PLCB4: variants seen among roughly 807,000 people sequenced by gnomAD.
PLCB4 encodes the protein phospholipase C beta 4, also known as 1-phosphatidylinositol 4,5-bisphosphate phosphodiesterase beta-4.
In PLCB4, 77 loss-of-function variants were observed where a neutral mutation model predicts 178.8. That is an observed-to-expected ratio of 0.43 (90% CI 0.36 to 0.52). PLCB4 has a LOEUF of 0.52. Ranked by LOEUF, PLCB4 falls within the 20% of genes least tolerant of loss-of-function variation. The probability of loss-of-function intolerance (pLI) is 0.00; values close to 1 mark genes in which losing one functional copy is unlikely to be tolerated. For synonymous variants in PLCB4, 496 were observed against 490.8 expected, an observed-to-expected ratio of 1.01 and a Z score of -0.14; for missense variants, 1,024 against 1,453.4, an observed-to-expected ratio of 0.70 and a Z score of 4.80.
intron 19 of PLCB4, among the ~76,000 whole-genome samples, chr20:9,399,737 T>G (rs1278104507): frequency 6.6e-6 from 1 of 152,250 alleles, no homozygotes; most frequent in African/African-American, 2.4e-5. Context: ...ACCACTTGTT[T>G]GGGGTATGCC....
intron 14 of PLCB4, among the ~76,000 whole-genome samples, chr20:9,386,792 A>C (rs2037700161): frequency 7.0e-6 from 1 of 142,664 alleles, no homozygotes; most frequent in Non-Finnish European, 1.5e-5. Flanking sequence ...TATATCTCCT[A>C]ATGCTATCCC....
At chr20:9,136,969 G>A (rs1401577359) in intron 2 of PLCB4, among the ~76,000 whole-genome samples, 1 of 152,054 alleles carries the variant, frequency 6.6e-6, no homozygotes, top group African/African-American at 2.4e-5. Flanking sequence ...GGAGACTGGA[G>A]GGAGGAGAAC....
Position 9,217,157 on chromosome 20 carries a change from C to T in PLCB4, c.-78-233C>T, listed in dbSNP as rs2093742760. On this transcript the variant is annotated intron_variant, in intron 2 of 39. Coordinates refer to ENST00000378473, the MANE Select transcript of PLCB4 (RefSeq NM_001377142.1). Reference sequence around the variant, plus strand: ...AAGAGGGTGAGTAGGATATTAGCAGCATTGTAGAGAGAGTGTATAAACTCT... The same window carrying T: ...AAGAGGGTGAGTAGGATATTAGCAGTATTGTAGAGAGAGTGTATAAACTCT... 2.6e-5 allele frequency among the ~76,000 whole-genome samples: 4 copies of T among 152,124 alleles called. No individual in the cohort carries two copies. In the South Asian group the frequency reaches 8.3e-4, roughly 32 times the overall value.
chr20:9,315,595 C>A (rs1466441028), intron 4 of PLCB4, among the ~76,000 whole-genome samples: 1 of 151,852 alleles, frequency 6.6e-6, no homozygotes, highest in African/African-American at 2.4e-5. Context: ...CAGGGCAGGC[C>A]CTATTCAGGA....
chr20:9,303,284 T>G (rs916734723), intron 3 of PLCB4, among the ~76,000 whole-genome samples: 2 of 152,154 alleles, frequency 1.3e-5, no homozygotes, highest in African/African-American at 4.8e-5. Context: ...AAGTCAAACT[T>G]ATTTCTTCTG....
At chr20:9,413,627 C>T (rs888569222) in intron 25 of PLCB4, among the ~76,000 whole-genome samples, 3 of 149,576 alleles carry the variant, frequency 2.0e-5, no homozygotes, top group Non-Finnish European at 3.0e-5. Flanking sequence ...CCACTGCACT[C>T]CAGCCTGGGT....
intron 2 of PLCB4, among the ~76,000 whole-genome samples, chr20:9,128,022 C>T (rs906930966): frequency 3.3e-5 from 5 of 152,034 alleles, no homozygotes; most frequent in Admixed American, 1.3e-4. Context: ...GATGTTTGTC[C>T]CCTCCAAATC....
At chr20:9,423,727 A>G (rs776294145) in intron 27 of PLCB4, 21 bp from the exon 28 acceptor site, 1 of 1,602,712 alleles carries the variant, frequency 6.2e-7, no homozygotes, top group Non-Finnish European at 8.5e-7. Context: ...AAAATCAGTG[A>G]AAGTCCTGTT....
intron 2 of PLCB4, among the ~76,000 whole-genome samples, chr20:9,133,558 C>T (rs2092320901): frequency 1.3e-5 from 2 of 152,152 alleles, no homozygotes; most frequent in Non-Finnish European, 2.9e-5. Flanking sequence ...TGAGCCACCA[C>T]ACCCAGTCTG....
rs948333501 is a variant in PLCB4 at position 9,169,418 on chromosome 20, T to C, written c.-78-47972T>C. 7.6e-4 allele frequency among the ~76,000 whole-genome samples: 104 copies of C among 136,220 alleles called. 2 individuals are homozygous for C. Among genetic ancestry groups the C allele is most frequent in the African/African-American group, 2.8e-3 (100 of 35,698 alleles). The allele number at this position is 136,220 out of a possible 152,430, so 89.4% of individuals were successfully genotyped here. A position where few individuals can be genotyped will look rare whatever the true frequency, so the allele number is the denominator to read the frequency against. On this transcript the variant is annotated intron_variant, in intron 2 of 39. Coordinates refer to ENST00000378473, the MANE Select transcript of PLCB4 (RefSeq NM_001377142.1). Reference sequence around the variant, plus strand: ...GCCAGGCCAACATGGTGAAACCCCATCTCTTAAAAAAAAAAAAAAAAATTA... The same window carrying C: ...GCCAGGCCAACATGGTGAAACCCCACCTCTTAAAAAAAAAAAAAAAAATTA...
chr20:9,318,165 T>A (rs1468712956), intron 4 of PLCB4, among the ~76,000 whole-genome samples: 6 of 151,592 alleles, frequency 4.0e-5, no homozygotes, highest in Admixed American at 2.6e-4. Context: ...AAAAAAAAAA[T>A]AAATAAAAAT....
At chr20:9,206,914 C>T (rs904643070) in intron 2 of PLCB4, among the ~76,000 whole-genome samples, 5 of 152,086 alleles carry the variant, frequency 3.3e-5, no homozygotes, top group South Asian at 2.1e-4. Context: ...GTCAGGAGTT[C>T]GAGACCAGCT....
At chr20:9,338,240 A>ATGGT (rs2032734784) in intron 6 of PLCB4, among the ~76,000 whole-genome samples, 173 bp downstream of exon 6, 1 of 152,200 alleles carries the variant, frequency 6.6e-6, no homozygotes, top group African/African-American at 2.4e-5. Context: ...ATTTATTCAC[A>ATGGT]TGAAACCTCT....
intron 3 of PLCB4, among the ~76,000 whole-genome samples, chr20:9,275,403 G>T (rs1473302450): frequency 6.6e-6 from 1 of 152,022 alleles, no homozygotes; most frequent in Non-Finnish European, 1.5e-5. Context: ...TTGAGATTTG[G>T]GTGGGGACAC....
chr20:9,158,053 A>G (rs1457669379), intron 2 of PLCB4, among the ~76,000 whole-genome samples: 2 of 152,124 alleles, frequency 1.3e-5, no homozygotes, highest in Non-Finnish European at 2.9e-5. Flanking sequence ...CCTTGTCTCC[A>G]TTTTACAGAT....
At chr20:9,179,655 C>T (rs1263289523) in intron 2 of PLCB4, among the ~76,000 whole-genome samples, 1 of 152,168 alleles carries the variant, frequency 6.6e-6, no homozygotes, top group Non-Finnish European at 1.5e-5. Flanking sequence ...TCATTTGATA[C>T]TGAGTTAAGT....
intron 6 of PLCB4, among the ~76,000 whole-genome samples, chr20:9,338,671 C>T (rs1431767977): frequency 6.6e-6 from 1 of 152,164 alleles, no homozygotes; most frequent in Non-Finnish European, 1.5e-5. Context: ...AGCAGAGACT[C>T]TGTACCTCCC....
At chr20:9,100,959 AT>A (rs1279954733) in intron 2 of PLCB4, among the ~76,000 whole-genome samples, 1 of 152,070 alleles carries the variant, frequency 6.6e-6, no homozygotes, top group African/African-American at 2.4e-5. Context: ...CATCCCAAGC[AT>A]GATTTTTATG....
Position 9,151,639 on chromosome 20 carries a change from C to A in PLCB4, c.-79+55297C>A, listed in dbSNP as rs185773474. Among the ~76,000 whole-genome samples, 5 of 152,230 alleles carry A rather than the reference C, an allele frequency of 3.3e-5. No individual in the cohort carries two copies. The East Asian group carries it at 9.7e-4, about 29-fold the overall frequency. Reference sequence around the variant, plus strand: ...CCCCAGCCATGTGGAACTGTAAGTCCAATTAAACCTTTTTTTCTTCCCGGT... The same window carrying A: ...CCCCAGCCATGTGGAACTGTAAGTCAAATTAAACCTTTTTTTCTTCCCGGT... On this transcript the variant is annotated intron_variant, in intron 2 of 39. Transcript: ENST00000378473.
Sources: gnomAD v4.1 joint callset for allele counts (sites outside exome capture counted in the v4.1 genomes callset) on GRCh38, gnomAD v4.1.1 for gene constraint, MANE v1.5 for transcripts, NCBI Gene and HGNC (gene_info 2026-07-23, HGNC 2026-07-21) for gene names.